Variants in LPP observed in about 807,000 individuals in gnomAD.
The protein encoded by LPP is lipoma-preferred partner.
In LPP, 38 loss-of-function variants were observed where a neutral mutation model predicts 60.4. The ratio of observed to expected loss-of-function variants is 0.63; its 90% CI spans 0.49 to 0.83. The LOEUF (loss-of-function observed/expected upper bound fraction) is 0.83. Ranked by LOEUF, LPP falls within the 40% of genes least tolerant of loss-of-function variation. LPP has a pLI of 0.00. For synonymous variants in LPP, 328 were observed against 290.8 expected, an observed-to-expected ratio of 1.13 and a Z score of -1.30; for missense variants, 902 against 783.6, an observed-to-expected ratio of 1.15 and a Z score of -1.80.
intron 5 of LPP, among the ~76,000 whole-genome samples, chr3:188,509,671 TTCCTTCCTTCCTTC>T (rs1560497381): frequency 0.096 from 5,416 of 56,454 alleles, 308 homozygotes; most frequent in Middle Eastern, 0.18. Flanking sequence ...CCTTCCTTCC[TTCCTTCCTTCCTTC>T]CTCTCTCTCT....
At chr3:188,241,158 G>A (rs563735919) in intron 2 of LPP, among the ~76,000 whole-genome samples, 1 of 152,296 alleles carries the variant, frequency 6.6e-6, no homozygotes, top group South Asian at 2.1e-4. Flanking sequence ...GGGATAGCCT[G>A]ACACTCTAGG....
chr3:188,781,060 A>G (rs1739468874), intron 9 of LPP, among the ~76,000 whole-genome samples: 1 of 152,240 alleles, frequency 6.6e-6, no homozygotes, highest in Non-Finnish European at 1.5e-5. Context: ...GACTGGTGTT[A>G]TGTGTATTCA....
chr3:188,559,380 G>A (rs1293980722), intron 6 of LPP, among the ~76,000 whole-genome samples: 1 of 152,056 alleles, frequency 6.6e-6, no homozygotes, highest in Non-Finnish European at 1.5e-5. Flanking sequence ...AGGATCTCGT[G>A]TGAGTGTAAA....
chr3:188,798,896 T>C (rs1746187633), intron 9 of LPP, among the ~76,000 whole-genome samples: 1 of 152,258 alleles, frequency 6.6e-6, no homozygotes, highest in African/African-American at 2.4e-5. Context: ...GTGAATTTTC[T>C]TGCTCAGTAT....
chr3:188,822,666 A>G (rs1386055362), intron 9 of LPP, among the ~76,000 whole-genome samples: 1 of 152,080 alleles, frequency 6.6e-6, no homozygotes, highest in Non-Finnish European at 1.5e-5. Flanking sequence ...TGATGCACTG[A>G]TCATTTTTTA....
chr3:188,496,081 A>C (rs1357585973), intron 5 of LPP, among the ~76,000 whole-genome samples: 1 of 152,060 alleles, frequency 6.6e-6, no homozygotes, highest in Admixed American at 6.6e-5. Context: ...AACTTCTGTG[A>C]GTTTGACTTG....
chr3:188,240,697 A>T (rs146435313), intron 2 of LPP, among the ~76,000 whole-genome samples: 1 of 152,320 alleles, frequency 6.6e-6, no homozygotes. Context: ...CAGGTGGGAT[A>T]ACACATCAAC....
At chr3:188,681,359 T>A (rs1368284239) in intron 7 of LPP, among the ~76,000 whole-genome samples, 1 of 152,194 alleles carries the variant, frequency 6.6e-6, no homozygotes, top group Non-Finnish European at 1.5e-5. Context: ...GCACAGTTCT[T>A]TGCTCACTCT....
chr3:188,461,735 T>G (rs1799003962), intron 4 of LPP, among the ~76,000 whole-genome samples: 4 of 152,198 alleles, frequency 2.6e-5, no homozygotes, highest in Admixed American at 1.3e-4. Flanking sequence ...GTCCACAGAT[T>G]TTTATATATG....
At chr3:188,561,725 A>AT (rs1408492316) in intron 6 of LPP, among the ~76,000 whole-genome samples, 4 of 151,614 alleles carry the variant, frequency 2.6e-5, no homozygotes, top group Non-Finnish European at 4.4e-5. Flanking sequence ...ACTCTGCTTC[A>AT]TTTTTTTTAA....
At chr3:188,491,582 A>G (rs1471004045) in intron 5 of LPP, among the ~76,000 whole-genome samples, 1 of 152,212 alleles carries the variant, frequency 6.6e-6, no homozygotes, top group African/African-American at 2.4e-5. Context: ...CAGAAGCAGC[A>G]ATAGCAGCAG....
chr3:188,573,071 T>C (rs1342407810), intron 6 of LPP, among the ~76,000 whole-genome samples: 1 of 152,134 alleles, frequency 6.6e-6, no homozygotes, highest in Non-Finnish European at 1.5e-5. Flanking sequence ...ATAGTAATAA[T>C]GGTTGACAAT....
chr3:188,265,362 C>A (rs1480262491), intron 2 of LPP, among the ~76,000 whole-genome samples: 1 of 152,216 alleles, frequency 6.6e-6, no homozygotes, highest in Non-Finnish European at 1.5e-5. Flanking sequence ...AAGAGGACCC[C>A]TGTCTGCGAA....
intron 4 of LPP, among the ~76,000 whole-genome samples, chr3:188,425,749 GTATTATTTA>G (rs763854698): frequency 1.1e-4 from 17 of 152,072 alleles, no homozygotes; most frequent in Non-Finnish European, 2.2e-4. Context: ...GGTGTTTATG[GTATTATTTA>G]TTGGTAGTTT....
chr3:188,838,238 T>G (rs1343630304), intron 9 of LPP, among the ~76,000 whole-genome samples: 3 of 152,186 alleles, frequency 2.0e-5, no homozygotes, highest in African/African-American at 7.2e-5. Context: ...ATTACTTTAT[T>G]ACTGTTTTTC....
intron 6 of LPP, among the ~76,000 whole-genome samples, chr3:188,539,201 TATTGAATA>T (rs1221889925): frequency 2.6e-5 from 4 of 152,346 alleles, no homozygotes; most frequent in Non-Finnish European, 5.9e-5. Context: ...AAAGGCTCTG[TATTGAATA>T]ATTTGCCTAG....
intron 2 of LPP, among the ~76,000 whole-genome samples, chr3:188,325,920 A>G (rs1412823458): frequency 2.0e-5 from 3 of 152,040 alleles, no homozygotes. Context: ...TCATTTGGGA[A>G]TAGATCTACA....
At chr3:188,680,262 AT>A (rs1245749061) in intron 7 of LPP, among the ~76,000 whole-genome samples, 4 of 152,196 alleles carry the variant, frequency 2.6e-5, no homozygotes, top group African/African-American at 9.6e-5. Context: ...TTGTTCTGAA[AT>A]TGTAACAATT....
At chr3:188,810,307 A>G (rs1750528748) in intron 9 of LPP, among the ~76,000 whole-genome samples, 1 of 151,934 alleles carries the variant, frequency 6.6e-6, no homozygotes, top group African/African-American at 2.4e-5. Flanking sequence ...AGAGGCATCT[A>G]TCTTTCCTTA....
Sources: gnomAD v4.1 joint callset for allele counts (sites outside exome capture counted in the v4.1 genomes callset) on GRCh38, gnomAD v4.1.1 for gene constraint, MANE v1.5 for transcripts, NCBI Gene and HGNC (gene_info 2026-07-23, HGNC 2026-07-21) for gene names.